ME3: variants seen among roughly 807,000 people sequenced by gnomAD.
ME3 encodes the protein malic enzyme 3.
In ME3, 48 loss-of-function variants were observed where a neutral mutation model predicts 68.9. The ratio of observed to expected loss-of-function variants is 0.70; its 90% confidence interval spans 0.55 to 0.89. ME3 has a LOEUF of 0.89. ME3 is among the 40% of genes least tolerant of loss of function. ME3 has a pLI of 0.00. For synonymous variants in ME3, 320 were observed against 318.8 expected (o/e 1.00, Z -0.04); for missense variants, 675 against 797.4 (o/e 0.85, Z 1.85).
chr11:86,647,416 C>T (rs970079377), intron 2 of ME3, among the ~76,000 whole-genome samples: 15 of 151,102 alleles, frequency 9.9e-5, no homozygotes, highest in Non-Finnish European at 1.6e-4. Flanking sequence ...ACCTAGGAGG[C>T]GGAGCTTGCA....
chr11:86,595,886 C>T (rs1959364402), intron 2 of ME3, among the ~76,000 whole-genome samples: 1 of 152,166 alleles, frequency 6.6e-6, no homozygotes, highest in Non-Finnish European at 1.5e-5. Flanking sequence ...TCTGGGTGGG[C>T]CCCTCACCAT....
chr11:86,619,065 C>G (rs1041883351), intron 2 of ME3, among the ~76,000 whole-genome samples: 2 of 152,180 alleles, frequency 1.3e-5, no homozygotes, highest in Admixed American at 6.5e-5. Context: ...CGCCATTGCT[C>G]TTGCTTATGC....
chr11:86,584,460 T>G (rs1958621277), intron 2 of ME3, among the ~76,000 whole-genome samples: 1 of 152,208 alleles, frequency 6.6e-6, no homozygotes, highest in Non-Finnish European at 1.5e-5. Flanking sequence ...CAATGCCACT[T>G]CTGAGTATTT....
intron 2 of ME3, among the ~76,000 whole-genome samples, chr11:86,614,210 G>A (rs1942794684): frequency 6.6e-6 from 1 of 152,146 alleles, no homozygotes; most frequent in Non-Finnish European, 1.5e-5. Context: ...TAAATGATTT[G>A]CCCCAGTCAC....
chr11:86,534,081 G>GTGTGTATATATATATATATATATATA (rs1361825219), intron 4 of ME3, among the ~76,000 whole-genome samples: 1 of 127,506 alleles, frequency 7.8e-6, no homozygotes, highest in Non-Finnish European at 1.7e-5. Context: ...GTGTGTGTGT[G>GTGTGTATATATATATATATATATATA]TATATATATA....
chr11:86,484,706 A>C (rs1951593456), intron 7 of ME3, among the ~76,000 whole-genome samples: 1 of 152,238 alleles, frequency 6.6e-6, no homozygotes, highest in Admixed American at 6.5e-5. Context: ...TGGAAACAGG[A>C]AGCAAAAAGT....
chr11:86,659,830 T>C (rs1221576022), intron 2 of ME3, among the ~76,000 whole-genome samples: 1 of 152,158 alleles, frequency 6.6e-6, no homozygotes, highest in East Asian at 1.9e-4. Flanking sequence ...GGCAGGAAGG[T>C]AGATAGAGAC....
At chr11:86,557,083 G>A (rs1956969086) in intron 3 of ME3, among the ~76,000 whole-genome samples, 1 of 152,144 alleles carries the variant, frequency 6.6e-6, no homozygotes, top group African/African-American at 2.4e-5. Context: ...TGGAATCTGT[G>A]CTCTCAACCA....
At chr11:86,613,735 A>G (rs1274156835) in intron 2 of ME3, among the ~76,000 whole-genome samples, 1 of 152,190 alleles carries the variant, frequency 6.6e-6, no homozygotes, top group Non-Finnish European at 1.5e-5. Context: ...CAAAGAGAAT[A>G]AAATACCTAG....
intron 2 of ME3, among the ~76,000 whole-genome samples, chr11:86,609,267 G>C (rs1335232150): frequency 6.6e-6 from 1 of 152,156 alleles, no homozygotes; most frequent in African/African-American, 2.4e-5. Context: ...TGCCATTAAT[G>C]TGTGGTTGAT....
chr11:86,655,867 T>A (rs1306334752), intron 2 of ME3, among the ~76,000 whole-genome samples: 1 of 151,768 alleles, frequency 6.6e-6, no homozygotes, highest in Non-Finnish European at 1.5e-5. Context: ...AGGGCTAATA[T>A]CCGGAATCTA....
chr11:86,629,370 T>TA (rs11392522), intron 2 of ME3, among the ~76,000 whole-genome samples: 66,153 of 151,962 alleles, frequency 0.44, 15,092 homozygotes, highest in East Asian at 0.7. Context: ...GCCCTTAACT[T>TA]AAAAAACCCG....
chr11:86,453,610 A>G (rs553352180), intron 8 of ME3, among the ~76,000 whole-genome samples: 51 of 152,338 alleles, frequency 3.3e-4, no homozygotes, highest in African/African-American at 1.2e-3. Context: ...AATTTTAGAT[A>G]AACAACAAGA....
intron 2 of ME3, among the ~76,000 whole-genome samples, chr11:86,625,108 C>A (rs189167422): frequency 6.6e-6 from 1 of 152,044 alleles, no homozygotes. Flanking sequence ...CTTTAGTATT[C>A]TCATTATAAA....
chr11:86,594,965 G>C (rs1290836689), intron 2 of ME3, among the ~76,000 whole-genome samples: 4 of 145,360 alleles, frequency 2.8e-5, no homozygotes, highest in Non-Finnish European at 6.0e-5. Context: ...GGATGAGCTA[G>C]GACAAGCCAG....
intron 2 of ME3, among the ~76,000 whole-genome samples, chr11:86,560,234 T>C (rs1196895466): frequency 6.6e-6 from 1 of 152,180 alleles, no homozygotes; most frequent in Non-Finnish European, 1.5e-5. Context: ...GTTTTCCCCA[T>C]GCTATTCTTG....
At chr11:86,543,948 A>G (rs548780146) in intron 4 of ME3, among the ~76,000 whole-genome samples, 1 of 149,132 alleles carries the variant, frequency 6.7e-6, no homozygotes, top group African/African-American at 2.5e-5. Flanking sequence ...AAATCATAAC[A>G]AACAGTCTCT....
intron 7 of ME3, among the ~76,000 whole-genome samples, chr11:86,482,220 T>G (rs1291924000): frequency 6.6e-6 from 1 of 152,196 alleles, no homozygotes; most frequent in African/African-American, 2.4e-5. Context: ...ACACAGACAC[T>G]TAGAGGCTAA....
At chr11:86,642,462 C>T (rs1944728886) in intron 2 of ME3, among the ~76,000 whole-genome samples, 1 of 152,150 alleles carries the variant, frequency 6.6e-6, no homozygotes, top group Non-Finnish European at 1.5e-5. Flanking sequence ...AAATTATAAC[C>T]AGAGTGTTGC....
Sources: allele counts gnomAD v4.1 joint callset (sites outside exome capture counted in the v4.1 genomes callset), GRCh38; gene constraint gnomAD v4.1.1; transcripts MANE v1.5; gene names NCBI Gene and HGNC (gene_info 2026-07-23, HGNC 2026-07-21).